Variants in BSN observed in about 807,000 individuals in gnomAD.
BSN encodes the protein protein bassoon.
BSN carries 57 observed loss-of-function variants against 264.8 expected under a neutral mutation model. That is an observed-to-expected ratio of 0.22 (90% CI 0.17 to 0.27). The LOEUF is 0.27. BSN is among the 10% of genes least tolerant of loss of function. BSN has a pLI of 1.00. For missense variants in BSN, 4,615 were observed against 5,232.5 expected, an observed-to-expected ratio of 0.88 and a Z score of 3.64; for synonymous variants, 2,059 against 2,137.3, an observed-to-expected ratio of 0.96 and a Z score of 1.01.
chr3:49,628,942 C>T (rs751064825), intron 2 of BSN, among the ~76,000 whole-genome samples: 3 of 152,128 alleles, frequency 2.0e-5, no homozygotes, highest in Non-Finnish European at 2.9e-5. Context: ...CCCCAGTCCT[C>T]GTAGCTCAGG....
intron 1 of BSN, among the ~76,000 whole-genome samples, chr3:49,578,410 G>GT (rs35070088): frequency 0.18 from 26,994 of 149,260 alleles, 2,663 homozygotes; most frequent in African/African-American, 0.24. Flanking sequence ...CAAAGCTACA[G>GT]TTTTTTTTTT....
chr3:49,624,000 C>A (rs1370124644), intron 1 of BSN, among the ~76,000 whole-genome samples: 3 of 152,136 alleles, frequency 2.0e-5, no homozygotes, highest in African/African-American at 7.2e-5. Flanking sequence ...CTAGGTATTT[C>A]TTTCTTTTCT....
At chr3:49,560,257 A>G (rs1415331899) in intron 1 of BSN, among the ~76,000 whole-genome samples, 3 of 151,988 alleles carry the variant, frequency 2.0e-5, no homozygotes, top group Non-Finnish European at 4.4e-5. Context: ...CAGACCTACT[A>G]TGTGTGGGCT....
rs2052581027 is a variant in BSN at position 49,654,766 on chromosome 3, C to G, written c.5210C>G (p.Ala1737Gly). 2 of 1,613,702 alleles carry G rather than the reference C, an allele frequency of 1.2e-6. No homozygotes were observed. Among genetic ancestry groups the G allele is most frequent in the Non-Finnish European group, 8.5e-7 (1 of 1,180,004 alleles). Residue 1737 changes from alanine (A) to glycine (G), a missense_variant, in exon 5 of 12, where the codon GCC becomes GGC. Around this residue, in one of 3 missense-constraint regions of BSN, gnomAD observed 3,415 missense variants for 3,866.4 expected, o/e 0.88. Coordinates refer to ENST00000296452, the MANE Select transcript of BSN (RefSeq NM_003458.4). The surrounding 1 kb of genome is among the most constrained non-coding windows in gnomAD (Gnocchi z 4.1). ...ATATTVSITM[A>G]SSVFMAQQKQ... ...GCCACCACCGTGAGCATCACCATGG[C>G]CTCGTCTGTGTTCATGGCTCAACAA...
Position 49,631,557 on chromosome 3 carries a change from CAAA to C in BSN, c.633+6190_633+6192del, listed in dbSNP as rs1289540648. ...AGGGTGACAGAGTAAGACTCTGTCTCAAAAAAAAAAAAAAAAAAGTTATTGGGG... is the reference window on the plus strand; with the variant it reads ...AGGGTGACAGAGTAAGACTCTGTCTCAAAAAAAAAAAAAAAGTTATTGGGG... On this transcript the variant is annotated intron_variant, in intron 2 of 11. Transcript: ENST00000296452. Among the ~76,000 whole-genome samples, 399 of 67,772 alleles carry C rather than the reference CAAA, an allele frequency of 5.9e-3. 2 individuals are homozygous for C. The highest frequency in any genetic ancestry group is 0.018 in the African/African-American group (368 of 20,574). 44.5% of individuals were successfully genotyped at this position (67,772 alleles called of 152,430 possible).
chr3:49,563,578 T>G (rs1202870412), intron 1 of BSN, among the ~76,000 whole-genome samples: 1 of 152,232 alleles, frequency 6.6e-6, no homozygotes, highest in Admixed American at 6.5e-5. Flanking sequence ...ATACATGTGG[T>G]TCTCTCTGCA....
intron 9 of BSN, 114 bp from the exon 10 acceptor site, chr3:49,664,685 C>T (rs1331128702): frequency 1.3e-6 from 2 of 1,544,688 alleles, no homozygotes; most frequent in Middle Eastern, 1.7e-4. Context: ...CCCAGTTGTT[C>T]TCCGGGCAAT....
intron 1 of BSN, among the ~76,000 whole-genome samples, chr3:49,584,485 A>G (rs573126859): frequency 9.9e-5 from 15 of 150,824 alleles, no homozygotes; most frequent in South Asian, 4.2e-4. Context: ...TTTATTTTCT[A>G]TTTTTCATTT....
chr3:49,600,981 G>A (rs1420366414), intron 1 of BSN, among the ~76,000 whole-genome samples: 1 of 152,180 alleles, frequency 6.6e-6, no homozygotes. Flanking sequence ...GCCAGTGACA[G>A]AGGTGACTGA....
In BSN at chr3:49,554,655, CCGG is replaced by C; in HGVS notation, c.59_61del (p.Gly20del). On this transcript the variant is annotated inframe_deletion, in exon 1 of 12. Transcript: ENST00000296452. ...GGCGCTGGCGACGGGCCGCTGCCGC[CCGG>C]CGGCGCCGGCCCCGGCCCGGGCCCC... 1 of 987,290 alleles carries C rather than the reference CCGG, an allele frequency of 1.0e-6. No homozygotes were observed. 61.2% of individuals were successfully genotyped at this position (987,290 alleles called of 1,614,324 possible).
At chr3:49,664,770 G>C in intron 9 of BSN, 29 bp from the exon 10 acceptor site, 1 of 1,613,718 alleles carries the variant, frequency 6.2e-7, no homozygotes, top group Non-Finnish European at 8.5e-7. Flanking sequence ...CCAATTTCCT[G>C]ATGGCTCTCT....
At chr3:49,593,637 G>A (rs2051996954) in intron 1 of BSN, among the ~76,000 whole-genome samples, 1 of 151,946 alleles carries the variant, frequency 6.6e-6, no homozygotes, top group African/African-American at 2.4e-5. Flanking sequence ...TTCCATAATG[G>A]CTAATGATGT....
At position 49,611,379 on chromosome 3, in the gene BSN, T is replaced by C. The variant is rs554451051; in HGVS notation, c.225-13596T>C. On this transcript the variant is annotated intron_variant, in intron 1 of 11. Coordinates refer to ENST00000296452, the MANE Select transcript of BSN (RefSeq NM_003458.4). ...TAGGAGCTGACCTAGGTCAGAACAC[T>C]GTGATGCTGCACAACCCAAAGTTGT... is the stretch of plus-strand genomic sequence containing the variant. 3.8e-4 allele frequency among the ~76,000 whole-genome samples: 58 copies of C among 152,304 alleles called. 1 individual carries two copies. The South Asian group carries it at 0.011, about 29-fold the overall frequency.
chr3:49,594,833 G>GT (rs952009516), intron 1 of BSN, among the ~76,000 whole-genome samples: 1 of 150,932 alleles, frequency 6.6e-6, no homozygotes, highest in Non-Finnish European at 1.5e-5. Context: ...CATTTATTTA[G>GT]TTTTTTTAAA....
chr3:49,606,465 C>G (rs141739972), intron 1 of BSN, among the ~76,000 whole-genome samples: 2 of 150,028 alleles, frequency 1.3e-5, no homozygotes, highest in South Asian at 2.1e-4. Context: ...ATTGGACTTA[C>G]CTATTTGTCT....
At chr3:49,673,036 T>C (rs1354060073), downstream of BSN, among the ~76,000 whole-genome samples, 47 of 126,116 alleles carry the variant, frequency 3.7e-4, no homozygotes, top group Admixed American at 3.1e-3. Context: ...GCCTCGGCCT[T>C]CCAAAGTGCA....
chr3:49,592,535 C>T (rs1278892267), intron 1 of BSN, among the ~76,000 whole-genome samples: 1 of 150,042 alleles, frequency 6.7e-6, no homozygotes. Context: ...GGGCGGATCA[C>T]GAGGTCAGGA....
chr3:49,582,849 A>G (rs1174559029), intron 1 of BSN, among the ~76,000 whole-genome samples: 1 of 152,190 alleles, frequency 6.6e-6, no homozygotes, highest in African/African-American at 2.4e-5. Context: ...CTTTTGAATC[A>G]TGAAAGTGTA....
intron 1 of BSN, among the ~76,000 whole-genome samples, chr3:49,589,513 C>CT (rs34301517): frequency 0.98 from 140,649 of 142,938 alleles, 69,214 homozygotes; most frequent in East Asian, 1. Context: ...TTCTTTCTTT[C>CT]TTTTTTTTTT....
Sources: allele counts gnomAD v4.1 joint callset (sites outside exome capture counted in the v4.1 genomes callset), GRCh38; gene constraint gnomAD v4.1.1; regional missense constraint gnomAD v4.1.1; non-coding constraint Gnocchi (gnomAD v3.1); transcripts MANE v1.5; gene names NCBI Gene and HGNC (gene_info 2026-07-23, HGNC 2026-07-21).